Variants in NALF1 observed in about 807,000 individuals in gnomAD.
The protein encoded by NALF1 is NALCN channel auxiliary factor 1.
Under a neutral mutation model 48.4 loss-of-function variants are expected in NALF1, and 3 were observed. The ratio of observed to expected loss-of-function variants is 0.06; its 90% CI spans 0.03 to 0.16. The LOEUF (loss-of-function observed/expected upper bound fraction) is 0.16. Among genes scored for constraint, NALF1 ranks in the 10% least tolerant of loss-of-function variants. NALF1 has a pLI of 1.00. For missense variants in NALF1, 526 were observed against 571.5 expected, an observed-to-expected ratio of 0.92 and a Z score of 0.81; for synonymous variants, 262 against 245.7, an observed-to-expected ratio of 1.07 and a Z score of -0.62.
At chr13:107,389,099 A>G (rs1039172912) in intron 1 of NALF1, among the ~76,000 whole-genome samples, 2 of 152,160 alleles carry the variant, frequency 1.3e-5, no homozygotes, top group African/African-American at 4.8e-5. Context: ...CCTGACATTC[A>G]GAGACAGGCC....
At position 107,606,381 on chromosome 13, in the gene NALF1, T is replaced by A. The variant is rs1275252550; in HGVS notation, c.915+259301A>T. Among the ~76,000 whole-genome samples the A allele has an allele frequency of 5.3e-5, 8 of 151,634 alleles. No homozygotes were observed. The South Asian group carries it at 1.0e-3, about 20-fold the overall frequency. On this transcript the variant is annotated intron_variant, in intron 1 of 2. Transcript: ENST00000375915. ...CTTATTTATTTATATATATATATAT[T>A]TTGAGATGGAGTCTTGCTCTGTCAC...
At chr13:107,323,047 C>T (rs995821124) in intron 1 of NALF1, among the ~76,000 whole-genome samples, 22 of 152,044 alleles carry the variant, frequency 1.4e-4, no homozygotes, top group Non-Finnish European at 2.5e-4. Flanking sequence ...GTTTGCAGAA[C>T]GCTTATCTTT....
intron 1 of NALF1, among the ~76,000 whole-genome samples, chr13:107,389,965 T>C (rs967415414): frequency 1.3e-5 from 2 of 152,226 alleles, no homozygotes; most frequent in Admixed American, 1.3e-4. Context: ...TGTTTAAACA[T>C]GAGAATAAAA....
At chr13:107,642,792 G>C (rs1431564807) in intron 1 of NALF1, among the ~76,000 whole-genome samples, 1 of 152,166 alleles carries the variant, frequency 6.6e-6, no homozygotes, top group Non-Finnish European at 1.5e-5. Flanking sequence ...TGTTTATCGT[G>C]AACAAATGCC....
At chr13:107,621,351 T>G (rs1344713366) in intron 1 of NALF1, among the ~76,000 whole-genome samples, 1 of 152,230 alleles carries the variant, frequency 6.6e-6, no homozygotes, top group African/African-American at 2.4e-5. Context: ...CTTTTATTAA[T>G]GACAATGTTA....
chr13:107,664,386 T>C (rs1011217115), intron 1 of NALF1, among the ~76,000 whole-genome samples: 1 of 152,170 alleles, frequency 6.6e-6, no homozygotes, highest in South Asian at 2.1e-4. Context: ...TGATCTCTAC[T>C]GACACTCTTG....
intron 1 of NALF1, among the ~76,000 whole-genome samples, chr13:107,400,274 A>T (rs910527239): frequency 6.6e-6 from 1 of 152,168 alleles, no homozygotes; most frequent in Non-Finnish European, 1.5e-5. Context: ...ATAGTAGGTG[A>T]TTAACTTGGT....
intron 1 of NALF1, among the ~76,000 whole-genome samples, chr13:107,824,450 C>T (rs913418826): frequency 2.0e-5 from 3 of 152,120 alleles, no homozygotes; most frequent in Non-Finnish European, 4.4e-5. Flanking sequence ...TTGGATGATG[C>T]GTGGTTGGAT....
intron 1 of NALF1, among the ~76,000 whole-genome samples, chr13:107,333,426 C>G (rs1882503833): frequency 6.6e-6 from 1 of 152,136 alleles, no homozygotes. Flanking sequence ...AGGACGCATG[C>G]TTACAATATG....
Position 107,594,574 on chromosome 13 carries a change from A to C in NALF1, c.915+271108T>G, listed in dbSNP as rs539283207. Among the ~76,000 whole-genome samples, 241 of 152,164 alleles carry C rather than the reference A, an allele frequency of 1.6e-3. 1 individual carries two copies. Among genetic ancestry groups the C allele is most frequent in the African/African-American group, 5.5e-3 (227 of 41,538 alleles). ...ATTGTACATTTACTGTCCTTCAAAG[A>C]AACCTAAAACAAATACTCCACCCAA... On this transcript the variant is annotated intron_variant, in intron 1 of 2. Coordinates refer to ENST00000375915, the MANE Select transcript of NALF1 (RefSeq NM_001080396.3).
intron 1 of NALF1, among the ~76,000 whole-genome samples, chr13:107,386,192 C>T (rs1173744792): frequency 6.6e-6 from 1 of 152,140 alleles, no homozygotes; most frequent in Non-Finnish European, 1.5e-5. Flanking sequence ...ATAGAAAAAT[C>T]ACAATTCAAA....
At chr13:107,629,273 A>G (rs1357610343) in intron 1 of NALF1, among the ~76,000 whole-genome samples, 2 of 152,170 alleles carry the variant, frequency 1.3e-5, no homozygotes, top group East Asian at 3.9e-4. Context: ...GTAATCACTA[A>G]TACATCATTC....
chr13:107,782,919 G>A (rs1877946882), intron 1 of NALF1, among the ~76,000 whole-genome samples: 1 of 150,928 alleles, frequency 6.6e-6, no homozygotes, highest in African/African-American at 2.4e-5. Flanking sequence ...CCAGGAGGGA[G>A]GTGGGGGTCA....
chr13:107,564,382 C>A (rs1877728889), intron 1 of NALF1, among the ~76,000 whole-genome samples: 1 of 152,202 alleles, frequency 6.6e-6, no homozygotes. Context: ...GCCAGTCATT[C>A]TTCCAAGGTC....
Position 107,609,162 on chromosome 13 carries a change from G to T in NALF1, c.915+256520C>A, listed in dbSNP as rs577215303. On this transcript the variant is annotated intron_variant, in intron 1 of 2. Transcript: ENST00000375915. ...CTCTAAAATGATTGGTATAGGTCCT[G>T]CCCTACCCCTTAGCTCCCCTATCCT... is the stretch of plus-strand genomic sequence containing the variant. Among the ~76,000 whole-genome samples the T allele has an allele frequency of 4.3e-3, 659 of 152,258 alleles. 2 individuals carry two copies. Among genetic ancestry groups the T allele is most frequent in the African/African-American group, 0.014 (597 of 41,546 alleles).
At chr13:107,390,700 AAT>A (rs1883611187) in intron 1 of NALF1, among the ~76,000 whole-genome samples, 1 of 152,150 alleles carries the variant, frequency 6.6e-6, no homozygotes, top group Non-Finnish European at 1.5e-5. Context: ...AACCTTGGAC[AAT>A]GCTGTCATTT....
In NALF1 at chr13:107,866,355, T is replaced by TGCTGCTGCTGCC. The variant is rs778594698; in HGVS notation, c.230_241dup (p.Arg77_Gln80dup). The TGCTGCTGCTGCC allele has an allele frequency of 4.3e-6, 7 of 1,610,824 alleles. No homozygotes were observed. The highest frequency in any genetic ancestry group is 2.2e-5 in the East Asian group (1 of 44,626). ...CCGCTGCCTCTGCTGCTGCTGCTGC[T>TGCTGCTGCTGCC]GCTGCTGCTGCCGCTGCTGCTGCTG... On this transcript the variant is annotated inframe_insertion, in exon 1 of 3. Coordinates refer to ENST00000375915, the MANE Select transcript of NALF1 (RefSeq NM_001080396.3). The surrounding 1 kb of genome is among the most constrained non-coding windows in gnomAD (Gnocchi z 4.4).
intron 1 of NALF1, among the ~76,000 whole-genome samples, chr13:107,519,644 A>T (rs1407326946): frequency 6.6e-6 from 1 of 152,172 alleles, no homozygotes; most frequent in Middle Eastern, 3.2e-3. Flanking sequence ...TTAACTCTTT[A>T]TCAGCCAAAC....
intron 1 of NALF1, among the ~76,000 whole-genome samples, chr13:107,500,772 C>T (rs1388153213): frequency 6.6e-6 from 1 of 151,400 alleles, no homozygotes; most frequent in Admixed American, 6.6e-5. Context: ...TACTATGCAG[C>T]CATAAAAAAT....
Sources: gnomAD v4.1 joint callset for allele counts (sites outside exome capture counted in the v4.1 genomes callset) on GRCh38, gnomAD v4.1.1 for gene constraint, Gnocchi (gnomAD v3.1) non-coding constraint, MANE v1.5 for transcripts, NCBI Gene and HGNC (gene_info 2026-07-23, HGNC 2026-07-21) for gene names.